Variants in PRDM16 observed in about 807,000 individuals in gnomAD.
The protein encoded by PRDM16 is histone-lysine N-methyltransferase PRDM16.
Under a neutral mutation model 110.6 loss-of-function variants are expected in PRDM16, and 23 were observed. The ratio of observed to expected loss-of-function variants is 0.21; its 90% CI spans 0.15 to 0.29. The LOEUF (loss-of-function observed/expected upper bound fraction) is 0.29, where lower values mean the gene tolerates loss of function less well. Ranked by LOEUF, PRDM16 falls within the 10% of genes least tolerant of loss-of-function variation. The pLI is 1.00. For missense variants in PRDM16, 1,615 were observed against 1,794.3 expected, an observed-to-expected ratio of 0.90 and a Z score of 1.81; for synonymous variants, 799 against 781.8, an observed-to-expected ratio of 1.02 and a Z score of -0.37.
chr1:3,273,523 G>T (rs1210560987), intron 3 of PRDM16, among the ~76,000 whole-genome samples: 18 of 152,230 alleles, frequency 1.2e-4, no homozygotes, highest in Non-Finnish European at 1.5e-5. Flanking sequence ...ATGTCCATGT[G>T]TGTACGTGGG....
chr1:3,368,238 A>G (rs1238087747), intron 3 of PRDM16, among the ~76,000 whole-genome samples: 1 of 152,162 alleles, frequency 6.6e-6, no homozygotes, highest in Non-Finnish European at 1.5e-5. Flanking sequence ...GTCCCGACAG[A>G]TGCTTCCTCG....
intron 2 of PRDM16, among the ~76,000 whole-genome samples, chr1:3,221,349 G>A (rs16823529): frequency 0.019 from 2,823 of 152,306 alleles, 140 homozygotes; most frequent in South Asian, 0.18. Flanking sequence ...CCGGTTCAGC[G>A]TAACAGAGAC....
chr1:3,239,635 T>C (rs901813875), intron 2 of PRDM16, among the ~76,000 whole-genome samples: 29 of 152,098 alleles, frequency 1.9e-4, no homozygotes, highest in Admixed American at 2.6e-4. Flanking sequence ...CGAAGCTACT[T>C]CAGAAATGGG....
At chr1:3,214,245 G>A (rs544794865) in intron 2 of PRDM16, among the ~76,000 whole-genome samples, 1 of 152,202 alleles carries the variant, frequency 6.6e-6, no homozygotes, top group Non-Finnish European at 1.5e-5. Flanking sequence ...GATCTGAGGA[G>A]GGTCTGACAC....
chr1:3,280,065 TTTAAA>T (rs1264544711), intron 3 of PRDM16, among the ~76,000 whole-genome samples: 7 of 151,602 alleles, frequency 4.6e-5, no homozygotes, highest in Admixed American at 1.3e-4. Context: ...AAAAAAAACA[TTTAAA>T]TAAGAAAGTC....
At chr1:3,084,972 G>A (rs1467982385) in intron 1 of PRDM16, among the ~76,000 whole-genome samples, 2 of 152,198 alleles carry the variant, frequency 1.3e-5, no homozygotes, top group African/African-American at 2.4e-5. Context: ...TTGCAGGCGG[G>A]CGGGTGCTGG....
intron 3 of PRDM16, among the ~76,000 whole-genome samples, chr1:3,340,261 G>A (rs12023091): frequency 0.022 from 3,284 of 151,922 alleles, 182 homozygotes; most frequent in East Asian, 0.11. Context: ...CAGACCCCAC[G>A]AGCCCACCCT....
chr1:3,333,014 T>G (rs773667920), intron 3 of PRDM16, among the ~76,000 whole-genome samples: 3 of 152,240 alleles, frequency 2.0e-5, no homozygotes, highest in Non-Finnish European at 4.4e-5. Flanking sequence ...TTTCCACCTC[T>G]TGGCGATTTT....
chr1:3,284,372 G>T (rs947032282), intron 3 of PRDM16, among the ~76,000 whole-genome samples: 1 of 152,224 alleles, frequency 6.6e-6, no homozygotes, highest in Non-Finnish European at 1.5e-5. Flanking sequence ...TTATCTGGAG[G>T]GGGAGGGAGG....
intron 1 of PRDM16, among the ~76,000 whole-genome samples, chr1:3,119,955 G>GC (rs1364850547): frequency 7.3e-6 from 1 of 137,872 alleles, no homozygotes; most frequent in Non-Finnish European, 1.5e-5. Context: ...GTTTCTTGGA[G>GC]GGGGGAGAGA....
intron 1 of PRDM16, among the ~76,000 whole-genome samples, chr1:3,152,938 G>C (rs892865056): frequency 2.4e-4 from 36 of 152,220 alleles, no homozygotes; most frequent in African/African-American, 8.4e-4. Context: ...CTCTGAGGAC[G>C]GCTCCCAGGA....
chr1:3,225,669 GA>G (rs201885280), intron 2 of PRDM16, among the ~76,000 whole-genome samples: 24 of 150,102 alleles, frequency 1.6e-4, no homozygotes, highest in South Asian at 6.4e-4. Flanking sequence ...GTGGAATGGG[GA>G]AAAAAAAACA....
chr1:3,262,910 G>A (rs944801187), intron 3 of PRDM16, among the ~76,000 whole-genome samples: 3 of 152,216 alleles, frequency 2.0e-5, no homozygotes, highest in Non-Finnish European at 4.4e-5. Flanking sequence ...CTGCCGCGAC[G>A]GTGCTGGGAG....
chr1:3,122,242 A>G (rs561316491), intron 1 of PRDM16, among the ~76,000 whole-genome samples: 1 of 152,060 alleles, frequency 6.6e-6, no homozygotes, highest in Non-Finnish European at 1.5e-5. Context: ...CCCTTCTAAC[A>G]ATTTCTAATC....
chr1:3,136,922 G>A (rs1356754182), intron 1 of PRDM16, among the ~76,000 whole-genome samples: 1 of 152,228 alleles, frequency 6.6e-6, no homozygotes, highest in Non-Finnish European at 1.5e-5. Flanking sequence ...GTTATAAACA[G>A]TGGACGCTTC....
intron 5 of PRDM16, 132 bp downstream of exon 5, chr1:3,396,725 A>G: frequency 1.7e-6 from 1 of 594,940 alleles, no homozygotes; most frequent in Non-Finnish European, 3.0e-6. Context: ...GGCGGCCCCC[A>G]AGTGCTAGGT....
chr1:3,276,624 G>T (rs1361891896), intron 3 of PRDM16, among the ~76,000 whole-genome samples: 1 of 140,812 alleles, frequency 7.1e-6, no homozygotes, highest in African/African-American at 2.6e-5. Flanking sequence ...CAGGGAAGCT[G>T]CAGGGCCTTG....
intron 1 of PRDM16, among the ~76,000 whole-genome samples, chr1:3,146,463 G>A (rs1643655199): frequency 6.6e-6 from 1 of 151,684 alleles, no homozygotes; most frequent in Admixed American, 6.6e-5. Flanking sequence ...TTCAGTGTGG[G>A]GTGTGCGCAC....
chr1:3,219,716 A>G (rs2100863181), intron 2 of PRDM16, among the ~76,000 whole-genome samples: 1 of 152,306 alleles, frequency 6.6e-6, no homozygotes, highest in East Asian at 1.9e-4. Context: ...AGGGCTGAAC[A>G]TGGCAGGAGC....
Sources: gnomAD v4.1 joint callset for allele counts (sites outside exome capture counted in the v4.1 genomes callset) on GRCh38, gnomAD v4.1.1 for gene constraint, MANE v1.5 for transcripts, NCBI Gene and HGNC (gene_info 2026-07-23, HGNC 2026-07-21) for gene names.